The following PARVA variants were observed in gnomAD, a reference collection of about 807,000 sequenced individuals.
PARVA encodes the protein alpha-parvin.
In PARVA, 25 loss-of-function variants were observed where a neutral mutation model predicts 52.6. The observed-to-expected ratio is 0.48, with a 90% confidence interval of 0.35 to 0.66. The LOEUF (loss-of-function observed/expected upper bound fraction) is 0.66. PARVA is among the 30% of genes least tolerant of loss of function. The pLI is 0.01. For synonymous variants in PARVA, 185 were observed against 179.1 expected (o/e 1.03, Z -0.26); for missense variants, 373 against 450.9 (o/e 0.83, Z 1.56).
intron 12 of PARVA, among the ~76,000 whole-genome samples, chr11:12,521,234 G>C (rs1214580090): frequency 6.6e-6 from 1 of 152,222 alleles, no homozygotes; most frequent in Non-Finnish European, 1.5e-5. Context: ...TGGCAGCTTA[G>C]TTCCAGGTGA....
chr11:12,482,388 AG>A (rs1941100022), intron 4 of PARVA, among the ~76,000 whole-genome samples: 2 of 151,984 alleles, frequency 1.3e-5, no homozygotes, highest in Admixed American at 1.3e-4. Context: ...ACACTTTGGG[AG>A]GCCGAGGCAG....
At chr11:12,411,360 C>T (rs56093723) in intron 1 of PARVA, among the ~76,000 whole-genome samples, 48,067 of 152,010 alleles carry the variant, frequency 0.32, 9,906 homozygotes, top group African/African-American at 0.59. Flanking sequence ...TCCCCTATTG[C>T]CAACATTGTA....
chr11:12,429,597 T>TAACC (rs1940286758), intron 1 of PARVA, among the ~76,000 whole-genome samples: 1 of 152,236 alleles, frequency 6.6e-6, no homozygotes, highest in Non-Finnish European at 1.5e-5. Flanking sequence ...AGCTAACCTA[T>TAACC]GGTTAGCCAT....
At chr11:12,416,685 G>C (rs1299314186) in intron 1 of PARVA, among the ~76,000 whole-genome samples, 2 of 151,396 alleles carry the variant, frequency 1.3e-5, no homozygotes, top group East Asian at 3.9e-4. Flanking sequence ...GAAAGAAGGA[G>C]AACAATTTTA....
At chr11:12,400,157 G>T (rs1014590860) in intron 1 of PARVA, among the ~76,000 whole-genome samples, 2 of 152,124 alleles carry the variant, frequency 1.3e-5, no homozygotes, top group Admixed American at 1.3e-4. Context: ...TTTTAAAAGG[G>T]ATGTGCCAAC....
intron 1 of PARVA, among the ~76,000 whole-genome samples, chr11:12,407,382 G>A (rs1376271200): frequency 2.0e-5 from 3 of 152,292 alleles, no homozygotes; most frequent in Non-Finnish European, 2.9e-5. Flanking sequence ...ACTGATGCTA[G>A]GGAAAGCCCA....
In PARVA at chr11:12,377,707, C is replaced by T. The variant is rs1222888007; in HGVS notation, c.60C>T (p.Pro20=). The T allele has an allele frequency of 1.3e-6, 2 of 1,566,466 alleles. No individual in the cohort carries two copies. Among genetic ancestry groups the T allele is most frequent in the South Asian group, 2.3e-5 (2 of 85,586 alleles). ...CCAAGTCTCCCACTCCCAAGTCGCC[C>T]CCGTCCCGCAAGAAAGATGATTCCT... is the stretch of plus-strand genomic sequence containing the variant. ...SVPKSPTPKS[P]PSRKKDDSFL... Residue 20 remains proline (P), a synonymous_variant, in exon 1 of 13, where the codon CCC becomes CCT. Coordinates refer to ENST00000334956, the MANE Select transcript of PARVA (RefSeq NM_018222.5).
At chr11:12,488,584 T>C (rs988780873) in intron 4 of PARVA, among the ~76,000 whole-genome samples, 1 of 152,154 alleles carries the variant, frequency 6.6e-6, no homozygotes, top group Non-Finnish European at 1.5e-5. Flanking sequence ...AATAGAGCCA[T>C]GGTCTTGAAA....
chr11:12,416,815 C>T (rs538024608), intron 1 of PARVA, among the ~76,000 whole-genome samples: 3 of 151,302 alleles, frequency 2.0e-5, no homozygotes, highest in Admixed American at 6.6e-5. Context: ...GGGGAGGGCA[C>T]GAGGGCAGAG....
chr11:12,439,165 T>C lies in PARVA; in HGVS notation c.137-34580T>C, dbSNP rs368176131. Among the ~76,000 whole-genome samples, 3 of 152,316 alleles carry C rather than the reference T, an allele frequency of 2.0e-5. 1 individual carries two copies. The highest frequency in any genetic ancestry group is 7.2e-5 in the African/African-American group (3 of 41,572). On this transcript the variant is annotated intron_variant, in intron 1 of 12. Transcript: ENST00000334956. Reference sequence around the variant, plus strand: ...GGGCACTTTAGGAACAGTAATTCTTTTGGAGTCCCTCTCATGGTTTCTGAG... The same window carrying C: ...GGGCACTTTAGGAACAGTAATTCTTCTGGAGTCCCTCTCATGGTTTCTGAG...
chr11:12,433,536 T>C (rs555820272), intron 1 of PARVA, among the ~76,000 whole-genome samples: 24 of 152,314 alleles, frequency 1.6e-4, no homozygotes, highest in Middle Eastern at 6.8e-3. Context: ...TTTAAGCTTC[T>C]AATGTTTCCT....
chr11:12,503,557 C>T (rs1366569045), intron 5 of PARVA, among the ~76,000 whole-genome samples: 2 of 151,916 alleles, frequency 1.3e-5, no homozygotes, highest in Non-Finnish European at 2.9e-5. Flanking sequence ...AAGAAGGAGC[C>T]CCATGGGACC....
intron 1 of PARVA, among the ~76,000 whole-genome samples, chr11:12,463,701 G>T (rs1282961931): frequency 6.6e-6 from 1 of 152,038 alleles, no homozygotes; most frequent in African/African-American, 2.4e-5. Flanking sequence ...TAAAGAGTGG[G>T]GAGTTATGCT....
At chr11:12,501,841 GCTCA>G (rs1447960854) in intron 5 of PARVA, among the ~76,000 whole-genome samples, 1 of 152,164 alleles carries the variant, frequency 6.6e-6, no homozygotes, top group Non-Finnish European at 1.5e-5. Flanking sequence ...GCTCTGCATT[GCTCA>G]CTAAGACAAT....
chr11:12,452,021 G>T (rs1940629637), intron 1 of PARVA, among the ~76,000 whole-genome samples: 1 of 151,922 alleles, frequency 6.6e-6, no homozygotes, highest in African/African-American at 2.4e-5. Flanking sequence ...TTCCAAAAGG[G>T]TGAAGTACCC....
chr11:12,463,679 G>A (rs148648840), intron 1 of PARVA, among the ~76,000 whole-genome samples: 9 of 152,186 alleles, frequency 5.9e-5, no homozygotes, highest in East Asian at 1.9e-4. Context: ...GTCACTAGAC[G>A]CAGCCCACAC....
chr11:12,511,431 T>A (rs1941501145), intron 7 of PARVA, 83 bp from the exon 8 acceptor site: 1 of 1,466,032 alleles, frequency 6.8e-7, no homozygotes, highest in African/African-American at 1.4e-5. Context: ...CTTCCAGCAG[T>A]GATGGAGTGT....
At chr11:12,379,306 GC>G (rs1939450750) in intron 1 of PARVA, among the ~76,000 whole-genome samples, 2 of 152,162 alleles carry the variant, frequency 1.3e-5, no homozygotes, top group Admixed American at 1.3e-4. Context: ...TGGGAATGCA[GC>G]CCAGTAGGTC....
Position 12,504,379 on chromosome 11 carries a change from G to A in PARVA, c.607G>A (p.Ala203Thr), listed in dbSNP as rs752598937. ...LLVALSQYFR[A>T]PIRLPDHVSI... ...CGTTGCTCTGTCTCAGTATTTCCGCGCACCAATTCGACTCCCAGACCATGT... is the reference window on the plus strand; with the variant it reads ...CGTTGCTCTGTCTCAGTATTTCCGCACACCAATTCGACTCCCAGACCATGT... The change falls in exon 6 of 13, where the codon GCA (alanine) becomes ACA (threonine). Residue 203 changes from alanine to threonine, a missense_variant. Transcript: ENST00000334956. 6.2e-6 allele frequency: 10 copies of A among 1,613,722 alleles called. No individual in the cohort carries two copies. Among genetic ancestry groups the A allele is most frequent in the Middle Eastern group, 1.6e-4 (1 of 6,062 alleles).
Sources: gnomAD v4.1 joint callset for allele counts (sites outside exome capture counted in the v4.1 genomes callset) on GRCh38, gnomAD v4.1.1 for gene constraint, MANE v1.5 for transcripts, NCBI Gene and HGNC (gene_info 2026-07-23, HGNC 2026-07-21) for gene names.